The following THSD7B variants were observed in gnomAD, a reference collection of about 807,000 sequenced individuals.
THSD7B encodes thrombospondin type 1 domain containing 7B.
THSD7B carries 138 observed loss-of-function variants against 213.6 expected under a neutral mutation model. The ratio of observed to expected loss-of-function variants is 0.65; its 90% CI spans 0.56 to 0.74. The LOEUF (loss-of-function observed/expected upper bound fraction) is 0.74, where lower values mean the gene tolerates loss of function less well. Among genes scored for constraint, THSD7B ranks in the 30% least tolerant of loss-of-function variants. The pLI, the probability that THSD7B is intolerant of heterozygous loss-of-function variation, is 0.00. For synonymous variants in THSD7B, 742 were observed against 687.0 expected, an observed-to-expected ratio of 1.08 and a Z score of -1.25; for missense variants, 1,931 against 1,991.5, an observed-to-expected ratio of 0.97 and a Z score of 0.58.
At chr2:136,871,246 CA>C (rs1683426831) in intron 1 of THSD7B, among the ~76,000 whole-genome samples, 1 of 152,010 alleles carries the variant, frequency 6.6e-6, no homozygotes, top group Admixed American at 6.6e-5. Context: ...GGGGCGAAGT[CA>C]GGTTGAAGAT....
chr2:137,275,775 G>T (rs1481141786), intron 11 of THSD7B, 148 bp from the exon 12 acceptor site: 3 of 576,560 alleles, frequency 5.2e-6, no homozygotes, highest in Admixed American at 7.0e-5. Context: ...TCTAGTGCTT[G>T]CCAAGGCTTG....
At chr2:137,628,036 T>C (rs1214703674) in intron 20 of THSD7B, among the ~76,000 whole-genome samples, 1 of 151,992 alleles carries the variant, frequency 6.6e-6, no homozygotes, top group Admixed American at 6.5e-5. Context: ...ATTTTGCACA[T>C]GTTAGCGGTT....
intron 5 of THSD7B, among the ~76,000 whole-genome samples, chr2:137,159,069 A>T (rs548135778): frequency 6.6e-6 from 1 of 152,202 alleles, no homozygotes; most frequent in African/African-American, 2.4e-5. Flanking sequence ...CTCCTATAAA[A>T]TTACAGTCTT....
At chr2:136,865,670 AG>A (rs1683320446) in intron 1 of THSD7B, among the ~76,000 whole-genome samples, 1 of 152,214 alleles carries the variant, frequency 6.6e-6, no homozygotes, top group Non-Finnish European at 1.5e-5. Context: ...AGAAAGAGAA[AG>A]GTTTAGAAAA....
At chr2:137,601,196 G>A (rs1167093824) in intron 17 of THSD7B, among the ~76,000 whole-genome samples, 1 of 152,100 alleles carries the variant, frequency 6.6e-6, no homozygotes, top group African/African-American at 2.4e-5. Context: ...TAAAATAAAT[G>A]GAGTGTAACC....
chr2:137,589,294 A>G (rs1681812999), intron 17 of THSD7B, among the ~76,000 whole-genome samples: 2 of 152,124 alleles, frequency 1.3e-5, no homozygotes, highest in Admixed American at 1.3e-4. Flanking sequence ...ATTTTACCTA[A>G]TTCTATTAAT....
Position 137,031,169 on chromosome 2 carries a change from C to A in THSD7B, c.140-25251C>A, listed in dbSNP as rs913387550. 3.3e-5 allele frequency among the ~76,000 whole-genome samples: 5 copies of A among 151,398 alleles called. No individual in the cohort carries two copies. The Admixed American group carries it at 3.3e-4, about 10-fold the overall frequency. On this transcript the variant is annotated intron_variant, in intron 2 of 27. Transcript: ENST00000409968. ...GACCAGCCTGGCCAACATGGTGAAA[C>A]CCCGCCTCTACTAAAAATACAAAAA...
At chr2:137,599,964 G>A (rs535494427) in intron 17 of THSD7B, among the ~76,000 whole-genome samples, 5 of 152,134 alleles carry the variant, frequency 3.3e-5, no homozygotes, top group African/African-American at 7.2e-5. Flanking sequence ...CATGCAAGGC[G>A]TGACAATTTT....
At chr2:137,661,198 T>G (rs990464316) in intron 25 of THSD7B, among the ~76,000 whole-genome samples, 2 of 152,138 alleles carry the variant, frequency 1.3e-5, no homozygotes, top group Admixed American at 6.5e-5. Context: ...TATTTTCAAG[T>G]TCACTTCCAG....
intron 14 of THSD7B, among the ~76,000 whole-genome samples, chr2:137,426,658 T>G (rs150048040): frequency 9.3e-4 from 141 of 152,292 alleles, no homozygotes; most frequent in African/African-American, 3.1e-3. Flanking sequence ...AAACTCAAAA[T>G]AGTTTAAAGA....
intron 15 of THSD7B, among the ~76,000 whole-genome samples, chr2:137,556,233 A>G (rs1454830977): frequency 1.3e-5 from 2 of 152,224 alleles, no homozygotes; most frequent in South Asian, 2.1e-4. Context: ...TCCCAGACAC[A>G]TAACTGTCAG....
chr2:136,932,946 C>G (rs1684655478), intron 2 of THSD7B, among the ~76,000 whole-genome samples: 1 of 151,998 alleles, frequency 6.6e-6, no homozygotes, highest in South Asian at 2.1e-4. Context: ...GCACCAGAGG[C>G]AGTAGGGTCG....
At chr2:137,119,289 TGTGCC>T (rs1362802374) in intron 5 of THSD7B, among the ~76,000 whole-genome samples, 5 of 152,228 alleles carry the variant, frequency 3.3e-5, no homozygotes, top group Non-Finnish European at 7.3e-5. Context: ...AAAAAAATTA[TGTGCC>T]TGTTATGAGT....
intron 5 of THSD7B, among the ~76,000 whole-genome samples, chr2:137,133,476 G>T (rs906202604): frequency 6.6e-6 from 1 of 152,244 alleles, no homozygotes; most frequent in South Asian, 2.1e-4. Context: ...ATTTCAATGA[G>T]CATGTAAATT....
rs773755851 is a variant in THSD7B, at chr2:137,056,504, C to T, written c.224C>T (p.Thr75Ile). 2.5e-6 allele frequency: 4 copies of T among 1,613,930 alleles called. No individual in the cohort carries two copies. Among genetic ancestry groups the T allele is most frequent in the Non-Finnish European group, 3.4e-6 (4 of 1,179,874 alleles). The change falls in exon 3 of 28, where the codon ACA becomes ATA. Residue 75 changes from threonine (T) to isoleucine (I), a missense_variant. By Grantham distance (89) the Thr-to-Ile change is moderately conservative. Coordinates refer to ENST00000409968, the MANE Select transcript of THSD7B (RefSeq NM_001316349.2). ...TGGTGTTTTCATGTTGACGGGTGGA[C>T]AAGTCACCTGTCTAACTGTGGTGAG... Reference protein sequence around the residue: ...AVWCFHVDGWTSHLSNCGESN... With the variant: ...AVWCFHVDGWISHLSNCGESN...
At chr2:137,376,189 AATGATTAT>A (rs1372695992) in intron 12 of THSD7B, among the ~76,000 whole-genome samples, 1 of 152,160 alleles carries the variant, frequency 6.6e-6, no homozygotes, top group African/African-American at 2.4e-5. Context: ...CTGTTTCTAG[AATGATTAT>A]ATGACACAAA....
At chr2:136,773,323 TAGTG>T (rs1298518455) in intron 1 of THSD7B, among the ~76,000 whole-genome samples, 1 of 152,074 alleles carries the variant, frequency 6.6e-6, no homozygotes, top group Non-Finnish European at 1.5e-5. Context: ...AATATAGAAA[TAGTG>T]AGTGATTTGC....
rs182133309 is a variant in THSD7B at position 137,534,239 on chromosome 2, G to T, written c.3139-28982G>T. Among the ~76,000 whole-genome samples, 7 of 151,776 alleles carry T rather than the reference G, an allele frequency of 4.6e-5. No individual in the cohort carries two copies. The East Asian group carries it at 9.8e-4, about 21-fold the overall frequency. On this transcript the variant is annotated intron_variant, in intron 15 of 27. Coordinates refer to ENST00000409968, the MANE Select transcript of THSD7B (RefSeq NM_001316349.2). ...TGCCTTCTTACCTATTTATGAAGGG[G>T]TAAAGAGGATTAATGAGAATAAGGG...
chr2:137,433,001 A>G (rs886176596), intron 14 of THSD7B, among the ~76,000 whole-genome samples: 1 of 152,228 alleles, frequency 6.6e-6, no homozygotes, highest in Non-Finnish European at 1.5e-5. Context: ...TTTATTTAAT[A>G]CCTTCTAGAT....
Sources: gnomAD v4.1 joint callset for allele counts (sites outside exome capture counted in the v4.1 genomes callset) on GRCh38, gnomAD v4.1.1 for gene constraint, MANE v1.5 for transcripts, NCBI Gene and HGNC (gene_info 2026-07-23, HGNC 2026-07-21) for gene names.